Variants in GNA13 observed in about 807,000 individuals in gnomAD.
The protein encoded by GNA13 is guanine nucleotide-binding protein subunit alpha-13.
A neutral mutation model predicts 33.5 loss-of-function variants in GNA13; 4 were observed. The ratio of observed to expected loss-of-function variants is 0.12; its 90% CI spans 0.06 to 0.27. The LOEUF (loss-of-function observed/expected upper bound fraction) is 0.27. GNA13 is among the 10% of genes least tolerant of loss of function. GNA13 has a pLI of 1.00. For synonymous variants in GNA13, 176 were observed against 183.8 expected (o/e 0.96, Z 0.34); for missense variants, 319 against 487.2 (o/e 0.65, Z 3.25).
intron 3 of GNA13, among the ~76,000 whole-genome samples, chr17:65,017,701 C>T (rs1906420339): frequency 6.6e-6 from 1 of 152,148 alleles, no homozygotes. Flanking sequence ...TCTCTTCAGC[C>T]TTTTAAATCT....
intron 2 of GNA13, among the ~76,000 whole-genome samples, chr17:65,022,725 A>T (rs967509751): frequency 6.6e-6 from 1 of 152,264 alleles, no homozygotes; most frequent in African/African-American, 2.4e-5. Flanking sequence ...ATGAGACTGC[A>T]ACCAAAGTAT....
At chr17:65,033,790 G>A (rs1028723660) in intron 2 of GNA13, among the ~76,000 whole-genome samples, 7 of 152,000 alleles carry the variant, frequency 4.6e-5, no homozygotes, top group South Asian at 4.1e-4. Context: ...CGAGGTGGGC[G>A]GATCACAAGG....
chr17:65,055,277 A>T (rs1285156803), intron 1 of GNA13, among the ~76,000 whole-genome samples: 1 of 152,240 alleles, frequency 6.6e-6, no homozygotes, highest in African/African-American at 2.4e-5. Flanking sequence ...AGTGTTAATT[A>T]TCTTTCAAAT....
At chr17:65,055,074 G>A (rs897153056) in intron 1 of GNA13, among the ~76,000 whole-genome samples, 1 of 151,478 alleles carries the variant, frequency 6.6e-6, no homozygotes, top group African/African-American at 2.4e-5. Context: ...GGAGGGGGCG[G>A]GGGGGTGACA....
At chr17:65,024,733 G>A (rs1000046497) in intron 2 of GNA13, among the ~76,000 whole-genome samples, 2 of 152,014 alleles carry the variant, frequency 1.3e-5, no homozygotes, top group African/African-American at 4.8e-5. Context: ...GCCAGCCCTC[G>A]CATTACTTCA....
intron 2 of GNA13, among the ~76,000 whole-genome samples, chr17:65,037,588 C>T (rs1907293789): frequency 6.6e-6 from 1 of 151,918 alleles, no homozygotes; most frequent in Admixed American, 6.6e-5. Context: ...GCCACTTCTG[C>T]TAGGATCTCC....
At chr17:65,044,399 T>C (rs1430649190) in intron 2 of GNA13, among the ~76,000 whole-genome samples, 1 of 152,204 alleles carries the variant, frequency 6.6e-6, no homozygotes, top group Non-Finnish European at 1.5e-5. Flanking sequence ...GTGAATAGTA[T>C]ATAGCTAGGG....
intron 2 of GNA13, among the ~76,000 whole-genome samples, chr17:65,035,269 T>A (rs759608685): frequency 1.4e-4 from 21 of 152,106 alleles, no homozygotes; most frequent in Non-Finnish European, 2.5e-4. Flanking sequence ...GCGGGAAGAA[T>A]TTTCCATTTA....
At chr17:65,041,022 CATG>C (rs1907431718) in intron 2 of GNA13, among the ~76,000 whole-genome samples, 1 of 152,162 alleles carries the variant, frequency 6.6e-6, no homozygotes, top group Admixed American at 6.5e-5. Flanking sequence ...CATTTCACAT[CATG>C]ATGCTTAAAT....
intron 2 of GNA13, among the ~76,000 whole-genome samples, chr17:65,037,963 A>G (rs1311043871): frequency 6.6e-6 from 1 of 152,074 alleles, no homozygotes; most frequent in Non-Finnish European, 1.5e-5. Flanking sequence ...ACTGTTCTGG[A>G]TTCAAGACTC....
Position 65,056,600 on chromosome 17 carries a change from G to GCCC in GNA13, c.-8_-7insGGG. ...ACGGCAGGAAGTCCGCCATCTTGCC[G>GCCC]CCGCCGCCGCCGCCTCGGCGGGCCC... On this transcript the variant is annotated 5_prime_UTR_variant, in exon 1 of 4. Transcript: ENST00000439174. 6.4e-7 allele frequency: 1 copy of GCCC among 1,572,250 alleles called. No individual in the cohort carries two copies. The highest frequency in any genetic ancestry group is 8.6e-7 in the Non-Finnish European group (1 of 1,160,522).
In GNA13 at chr17:65,014,326, G is replaced by C; in HGVS notation, c.1065C>G (p.Ile355Met). ...CCTTCACGTCACGGAAAACAAGGCG[G>C]ATGTTCTCCGTGTTGATAGCAGTGG... Reference protein sequence around the residue: ...HFTTAINTENIRLVFRDVKDT... With the variant: ...HFTTAINTENMRLVFRDVKDT... The change falls in exon 4 of 4, where the codon ATC becomes ATG. Residue 355 changes from isoleucine (I) to methionine (M), a missense_variant. Coordinates refer to ENST00000439174, the MANE Select transcript of GNA13 (RefSeq NM_006572.6). This position sits in a 1 kb window ranked among gnomAD's most constrained non-coding sequence, Gnocchi z 5.3. 1.2e-6 allele frequency: 2 copies of C among 1,613,492 alleles called. No homozygotes were observed. The highest frequency in any genetic ancestry group is 1.7e-6 in the Non-Finnish European group (2 of 1,179,398).
intron 2 of GNA13, among the ~76,000 whole-genome samples, chr17:65,043,152 C>T (rs989205064): frequency 7.2e-5 from 11 of 152,148 alleles, no homozygotes; most frequent in Admixed American, 2.6e-4. Context: ...AGCCGGAAGA[C>T]GAACTCTGGC....
chr17:65,034,643 G>T (rs1054287672), intron 2 of GNA13, among the ~76,000 whole-genome samples: 1 of 152,018 alleles, frequency 6.6e-6, no homozygotes, highest in Admixed American at 6.6e-5. Context: ...GAGTATTTCC[G>T]TAGTCCTATC....
intron 2 of GNA13, among the ~76,000 whole-genome samples, chr17:65,019,246 A>G (rs1455950790): frequency 1.3e-5 from 2 of 152,174 alleles, no homozygotes; most frequent in African/African-American, 4.8e-5. Context: ...ACAAAGCTTG[A>G]AAGTAGCAGT....
rs1348336449 is a variant in GNA13, at chr17:65,056,570, C to A, written c.24G>T (p.Arg8=). 3.7e-6 allele frequency: 6 copies of A among 1,607,878 alleles called. No homozygotes were observed. The highest frequency in any genetic ancestry group is 5.1e-6 in the Non-Finnish European group (6 of 1,178,232). The change falls in exon 1 of 4, where the codon CGG becomes CGT. Residue 8 remains arginine (R), a synonymous_variant. Transcript: ENST00000439174. ...CGGGGAAGCACACGGACAGCACGGA[C>A]CGCGACGGCAGGAAGTCCGCCATCT... MADFLPS[R]SVLSVCFPGC... is the part of the protein sequence containing the mutation.
Position 65,010,030 on chromosome 17 carries a change from T to C in GNA13, c.*4227A>G, listed in dbSNP as rs1362790935. On this transcript the variant is annotated 3_prime_UTR_variant, in exon 4 of 4. Transcript: ENST00000439174. ...TAAACTTTCATCATCAACAGCAGAT[T>C]TGTATATGTCACAAAACTCTCCTTA... Among the ~76,000 whole-genome samples, 1 of 152,226 alleles carries C rather than the reference T, an allele frequency of 6.6e-6. No individual in the cohort carries two copies. Among genetic ancestry groups the C allele is most frequent in the Non-Finnish European group, 1.5e-5 (1 of 68,030 alleles).
chr17:65,029,843 A>T (rs1008600863), intron 2 of GNA13, among the ~76,000 whole-genome samples: 2 of 151,982 alleles, frequency 1.3e-5, no homozygotes, highest in Non-Finnish European at 2.9e-5. Context: ...CAGAGTTGTC[A>T]CAAGCATAAT....
At chr17:65,051,259 G>T (rs528098231) in intron 2 of GNA13, among the ~76,000 whole-genome samples, 61 of 152,290 alleles carry the variant, frequency 4.0e-4, no homozygotes, top group African/African-American at 1.4e-3. Flanking sequence ...AAATTGAGTT[G>T]AAAGTGTGTG....
Sources: gnomAD v4.1 joint callset for allele counts (sites outside exome capture counted in the v4.1 genomes callset) on GRCh38, gnomAD v4.1.1 for gene constraint, Gnocchi (gnomAD v3.1) non-coding constraint, MANE v1.5 for transcripts, NCBI Gene and HGNC (gene_info 2026-07-23, HGNC 2026-07-21) for gene names.